Variants in PDE4B observed in about 807,000 individuals in gnomAD.
PDE4B encodes phosphodiesterase 4B, also known as 3',5'-cyclic-AMP phosphodiesterase 4B.
In PDE4B, 20 loss-of-function variants were observed where a neutral mutation model predicts 82.2. That is an observed-to-expected ratio of 0.24 (90% confidence interval 0.17 to 0.35). The LOEUF (loss-of-function observed/expected upper bound fraction) is 0.35, where lower values mean the gene tolerates loss of function less well. Among genes scored for constraint, PDE4B ranks in the 10% least tolerant of loss-of-function variants. The pLI is 1.00. For synonymous variants in PDE4B, 320 were observed against 318.9 expected (o/e 1.00, Z -0.04); for missense variants, 655 against 907.2 (o/e 0.72, Z 3.57).
intron 7 of PDE4B, among the ~76,000 whole-genome samples, chr1:66,312,479 C>T (rs528770658): frequency 2.6e-5 from 4 of 152,304 alleles, no homozygotes; most frequent in East Asian, 1.9e-4. Context: ...TCTCACCTTC[C>T]GTCACTGTGA....
intron 3 of PDE4B, among the ~76,000 whole-genome samples, chr1:66,117,524 G>A (rs954944889): frequency 3.3e-5 from 5 of 152,096 alleles, no homozygotes; most frequent in African/African-American, 1.2e-4. Flanking sequence ...AAGAGATGTG[G>A]TAGAAACAGA....
intron 3 of PDE4B, among the ~76,000 whole-genome samples, chr1:66,088,973 A>T (rs1447423624): frequency 1.3e-5 from 2 of 152,132 alleles, no homozygotes; most frequent in Non-Finnish European, 2.9e-5. Flanking sequence ...AGAGTTCTCC[A>T]TATGACCCAC....
chr1:66,249,323 A>G (rs1462143681), intron 4 of PDE4B, among the ~76,000 whole-genome samples: 1 of 152,226 alleles, frequency 6.6e-6, no homozygotes, highest in Non-Finnish European at 1.5e-5. Flanking sequence ...TTCACATAGT[A>G]TTTTACAGGT....
chr1:66,227,807 T>C (rs994962102), intron 3 of PDE4B, among the ~76,000 whole-genome samples: 10 of 152,256 alleles, frequency 6.6e-5, no homozygotes, highest in Non-Finnish European at 1.5e-4. Flanking sequence ...TCTTCTTTGA[T>C]GTCTGTCATT....
At chr1:66,328,452 G>T (rs1557703170) in intron 7 of PDE4B, among the ~76,000 whole-genome samples, 2 of 152,220 alleles carry the variant, frequency 1.3e-5, no homozygotes, top group Non-Finnish European at 2.9e-5. Context: ...AGTTTCATGG[G>T]CATGTAACCT....
At chr1:66,236,618 T>C (rs1166335312) in intron 3 of PDE4B, among the ~76,000 whole-genome samples, 2 of 152,198 alleles carry the variant, frequency 1.3e-5, no homozygotes, top group Non-Finnish European at 2.9e-5. Context: ...TTGTTTGTTT[T>C]TGATACAAAA....
At chr1:66,154,503 G>C (rs78640135) in intron 3 of PDE4B, among the ~76,000 whole-genome samples, 2 of 152,134 alleles carry the variant, frequency 1.3e-5, no homozygotes, top group Non-Finnish European at 2.9e-5. Flanking sequence ...GCCTAGGGCC[G>C]TCCTTGATCC....
At chr1:66,354,902 A>C in intron 8 of PDE4B, 1 of 1,535,234 alleles carries the variant, frequency 6.5e-7, no homozygotes, top group South Asian at 1.2e-5. Context: ...AAGGTGGGTT[A>C]ATTTGATTGT....
chr1:66,012,298 G>T (rs1010845633), intron 3 of PDE4B, among the ~76,000 whole-genome samples: 1 of 152,218 alleles, frequency 6.6e-6, no homozygotes, highest in Admixed American at 6.6e-5. Flanking sequence ...TTCTCTAGGC[G>T]TTTAATGTTT....
chr1:65,941,040 G>C (rs1341947316), intron 3 of PDE4B, among the ~76,000 whole-genome samples: 1 of 151,988 alleles, frequency 6.6e-6, no homozygotes, highest in African/African-American at 2.4e-5. Context: ...TAATGTTGCA[G>C]ATAAAGTTAA....
At chr1:66,069,732 T>A (rs1017515460) in intron 3 of PDE4B, among the ~76,000 whole-genome samples, 1 of 152,004 alleles carries the variant, frequency 6.6e-6, no homozygotes, top group Non-Finnish European at 1.5e-5. Flanking sequence ...TAATAGGGTG[T>A]CATGGGGCTA....
At chr1:65,829,549 C>T (rs1646057878) in intron 1 of PDE4B, among the ~76,000 whole-genome samples, 1 of 152,010 alleles carries the variant, frequency 6.6e-6, no homozygotes, top group South Asian at 2.1e-4. Context: ...ATATTCTGGG[C>T]CATAAAACAA....
At chr1:65,917,425 C>T (rs926279914) in intron 2 of PDE4B, among the ~76,000 whole-genome samples, 16 of 152,146 alleles carry the variant, frequency 1.1e-4, no homozygotes, top group African/African-American at 2.4e-4. Context: ...CTAGGACTTC[C>T]GTTATTCCCT....
intron 3 of PDE4B, among the ~76,000 whole-genome samples, chr1:65,963,910 C>A (rs1459130800): frequency 1.3e-5 from 2 of 152,156 alleles, no homozygotes; most frequent in Non-Finnish European, 2.9e-5. Context: ...ACATTTTCCT[C>A]TCTTTTATCC....
Position 66,372,575 on chromosome 1 carries a change from G to T in PDE4B, c.2108G>T (p.Ser703Ile), listed in dbSNP as rs375941228. Residue 703 changes from serine to isoleucine, a missense_variant, in exon 17 of 17, where the codon AGC becomes ATC. Coordinates refer to ENST00000341517, the MANE Select transcript of PDE4B (RefSeq NM_002600.4). ...GAGGGAGAGGGACACAGCTATTTCAGCAGCACAAAGACGCTTTGTGTGATT... is the reference window on the plus strand; with the variant it reads ...GAGGGAGAGGGACACAGCTATTTCATCAGCACAAAGACGCTTTGTGTGATT... The part of the protein sequence containing the change: ...EKEGEGHSYF[S>I]STKTLCVIDP... 3.0e-5 allele frequency: 48 copies of T among 1,614,036 alleles called. No homozygotes were observed. Among genetic ancestry groups the T allele is most frequent in the Non-Finnish European group, 3.6e-5 (43 of 1,180,004 alleles).
intron 3 of PDE4B, among the ~76,000 whole-genome samples, chr1:66,165,601 C>A (rs1052549310): frequency 4.0e-5 from 6 of 151,760 alleles, no homozygotes; most frequent in Non-Finnish European, 7.4e-5. Flanking sequence ...TATATAATAG[C>A]AATGAATAAT....
chr1:65,819,018 A>T (rs1645919850), intron 1 of PDE4B, among the ~76,000 whole-genome samples: 1 of 152,114 alleles, frequency 6.6e-6, no homozygotes, highest in Non-Finnish European at 1.5e-5. Context: ...CTTCTGCCAC[A>T]CTTAGATTTT....
intron 3 of PDE4B, among the ~76,000 whole-genome samples, chr1:66,000,106 G>A (rs1261892223): frequency 1.3e-5 from 2 of 152,108 alleles, no homozygotes; most frequent in East Asian, 1.9e-4. Flanking sequence ...CTAGTCTGTA[G>A]TGCTGTAAAG....
At chr1:65,865,364 A>G (rs146547693) in intron 1 of PDE4B, among the ~76,000 whole-genome samples, 107 of 151,598 alleles carry the variant, frequency 7.1e-4, no homozygotes, top group Middle Eastern at 6.8e-3. Context: ...CCCTGTCTTC[A>G]GCCCCCTTTC....
Sources: allele counts gnomAD v4.1 joint callset (sites outside exome capture counted in the v4.1 genomes callset), GRCh38; gene constraint gnomAD v4.1.1; transcripts MANE v1.5; gene names NCBI Gene and HGNC (gene_info 2026-07-23, HGNC 2026-07-21).